SEC23A: variants seen among roughly 807,000 people sequenced by gnomAD.
SEC23A encodes protein transport protein Sec23A.
In SEC23A, 56 loss-of-function variants were observed where a neutral mutation model predicts 103.7. That is an observed-to-expected ratio of 0.54 (90% CI 0.44 to 0.67). The LOEUF is 0.67. Among genes scored for constraint, SEC23A ranks in the 30% least tolerant of loss-of-function variants. The pLI is 0.00. For synonymous variants in SEC23A, 281 were observed against 293.0 expected (o/e 0.96, Z 0.42); for missense variants, 784 against 936.4 (o/e 0.84, Z 2.12).
At chr14:39,080,566 C>T (rs1196122372) in intron 7 of SEC23A, among the ~76,000 whole-genome samples, 1 of 151,974 alleles carries the variant, frequency 6.6e-6, no homozygotes, top group Non-Finnish European at 1.5e-5. Context: ...CCACCGCCCC[C>T]GGCTAATTTT....
chr14:39,086,450 C>T (rs1216854669), intron 6 of SEC23A, among the ~76,000 whole-genome samples: 1 of 151,908 alleles, frequency 6.6e-6, no homozygotes, highest in Non-Finnish European at 1.5e-5. Context: ...GGTGAAACCC[C>T]GTCTCTACAA....
intron 11 of SEC23A, among the ~76,000 whole-genome samples, chr14:39,064,060 CCTT>C (rs1324483901): frequency 8.6e-5 from 13 of 151,566 alleles, no homozygotes; most frequent in African/African-American, 3.1e-4. Flanking sequence ...CTAACATTAT[CCTT>C]CTATCCAACT....
intron 18 of SEC23A, 186 bp downstream of exon 18, chr14:39,040,546 G>A: frequency 2.9e-6 from 2 of 682,726 alleles, no homozygotes; most frequent in Non-Finnish European, 2.5e-6. Context: ...TAGGCAACTA[G>A]TCAATAATCT....
Position 39,076,071 on chromosome 14 carries a change from G to C in SEC23A, c.851C>G (p.Ala284Gly), listed in dbSNP as rs748424552. Residue 284 changes from alanine to glycine, a missense_variant, in exon 8 of 20, where the codon GCT becomes GGT. Ala to Gly is a moderately conservative substitution (Grantham distance 60, BLOSUM62 0). This residue lies in a region of SEC23A where 683 missense variants were observed against 774.2 expected (regional missense o/e 0.88). Coordinates refer to ENST00000307712, the MANE Select transcript of SEC23A (RefSeq NM_006364.4). ...LLECTFPNTG[A>G]RIMMFIGGPA... ...ACCACCAATGAACATCATGATACGA[G>C]CACCAGTGTTGGGAAAAGTACACTA... The C allele has an allele frequency of 8.7e-6, 14 of 1,612,722 alleles. No individual in the cohort carries two copies. The highest frequency in any genetic ancestry group is 3.3e-5 in the Admixed American group (2 of 59,878).
Position 39,055,218 on chromosome 14 carries a change from C to A in SEC23A, c.1584G>T (p.Arg528=), listed in dbSNP as rs762649745. ...DQEAAAILMA[R]LAIYRAETEE... is the part of the protein sequence containing the mutation. Reference sequence around the variant, plus strand: ...CTGTTTCTGCTCTATATATTGCTAGCCGGGCCATAAGAATGGCAGCTGCCT... The same window carrying A: ...CTGTTTCTGCTCTATATATTGCTAGACGGGCCATAAGAATGGCAGCTGCCT... Residue 528 remains arginine (R), a synonymous_variant, in exon 14 of 20, where the codon CGG becomes CGT. Coordinates refer to ENST00000307712, the MANE Select transcript of SEC23A (RefSeq NM_006364.4). 14 of 1,614,124 alleles carry A rather than the reference C, an allele frequency of 8.7e-6. No homozygotes were observed. The highest frequency in any genetic ancestry group is 1.2e-5 in the Non-Finnish European group (14 of 1,180,022).
intron 14 of SEC23A, among the ~76,000 whole-genome samples, chr14:39,049,490 A>AAT (rs573128898): frequency 1.8e-4 from 27 of 149,996 alleles, no homozygotes; most frequent in Non-Finnish European, 2.2e-4. Flanking sequence ...AAAAAAAAAA[A>AAT]TTTGAGCCAA....
Position 39,076,926 on chromosome 14 carries a change from C to CA in SEC23A, c.829-834dup, listed in dbSNP as rs1206978231. On this transcript the variant is annotated intron_variant, in intron 7 of 19. Coordinates refer to ENST00000307712, the MANE Select transcript of SEC23A (RefSeq NM_006364.4). The stretch of plus-strand genomic sequence containing the variant: ...TGGGCAACAAGGCGAGACTCCGTCT[C>CA]AAAAAAAAAAAAAATAGAGGCTGGA... Among the ~76,000 whole-genome samples, 596 of 108,810 alleles carry CA rather than the reference C, an allele frequency of 5.5e-3. 4 individuals are homozygous for CA. The highest frequency in any genetic ancestry group is 0.016 in the African/African-American group (447 of 28,258). 71.4% of individuals were successfully genotyped at this position (108,810 alleles called of 152,430 possible).
At chr14:39,087,803 C>T (rs1308597917) in intron 5 of SEC23A, 1 of 152,160 alleles carries the variant, frequency 6.6e-6, no homozygotes, top group Non-Finnish European at 1.5e-5. Flanking sequence ...CAACTCTTTA[C>T]TAAGAACTTA....
At chr14:39,096,329 G>A (rs1015852632) in intron 1 of SEC23A, among the ~76,000 whole-genome samples, 190 bp from the exon 2 acceptor site, 11 of 151,946 alleles carry the variant, frequency 7.2e-5, no homozygotes, top group Non-Finnish European at 1.5e-4. Flanking sequence ...TCGGGAGTTC[G>A]AGACCAGCCT....
intron 10 of SEC23A, among the ~76,000 whole-genome samples, chr14:39,065,217 C>T (rs557911696): frequency 6.6e-6 from 1 of 152,126 alleles, no homozygotes; most frequent in Non-Finnish European, 1.5e-5. Flanking sequence ...TTAGCACATA[C>T]GAGGTCTCCA....
At position 39,093,179 on chromosome 14, in the gene SEC23A, T is replaced by C; in HGVS notation, c.279+8A>G. 6.2e-7 allele frequency: 1 copy of C among 1,612,510 alleles called. No individual in the cohort carries two copies. On this transcript the variant is annotated splice_region_variant and intron_variant, in intron 3 of 19. Coordinates refer to ENST00000307712, the MANE Select transcript of SEC23A (RefSeq NM_006364.4). ...ACTGCGCCCGGCATGCAATGGATGT[T>C]TTCTTACCTGATTCCTTTGGTAACA...
intron 5 of SEC23A, among the ~76,000 whole-genome samples, chr14:39,089,383 T>C (rs1241319685): frequency 3.9e-5 from 6 of 152,226 alleles, no homozygotes; most frequent in East Asian, 1.9e-4. Context: ...TATTTTACAA[T>C]TGAAAAAAAC....
intron 1 of SEC23A, among the ~76,000 whole-genome samples, chr14:39,098,596 G>A (rs1052075403): frequency 1.3e-5 from 2 of 152,036 alleles, no homozygotes; most frequent in South Asian, 2.1e-4. Context: ...CCAACATGGT[G>A]AAACCCCATC....
rs1366800959 is a variant in SEC23A at position 39,040,872 on chromosome 14, G to A, written c.2002C>T (p.Arg668Trp). Residue 668 changes from arginine (R) to tryptophan (W), a missense_variant, in exon 18 of 20, where the codon CGG becomes TGG. Around this residue, in one of 2 missense-constraint regions of SEC23A, gnomAD observed 101 missense variants for 162.2 expected, o/e 0.62. Coordinates refer to ENST00000307712, the MANE Select transcript of SEC23A (RefSeq NM_006364.4). ...IYHGETIAQWRKSGYQDMPEY... is the reference protein window; with the variant it reads ...IYHGETIAQWWKSGYQDMPEY... ...GGCATATCCTGGTATCCTGACTTCC[G>A]CCACTGTGCTATGGTCTAATTTTAA... The A allele has an allele frequency of 1.2e-6, 2 of 1,613,696 alleles. No homozygotes were observed. The highest frequency in any genetic ancestry group is 1.7e-6 in the Non-Finnish European group (2 of 1,179,902).
intron 7 of SEC23A, among the ~76,000 whole-genome samples, chr14:39,085,464 G>A (rs780841813): frequency 4.6e-5 from 7 of 152,112 alleles, no homozygotes; most frequent in Non-Finnish European, 7.4e-5. Flanking sequence ...ACTTAAGTGG[G>A]GGCAGTCTTG....
Position 39,063,321 on chromosome 14 carries a change from T to C in SEC23A, c.1398+3A>G, listed in dbSNP as rs776126612. ...TTTGATATTCAGATGTAGAAAGTCA[T>C]ACCTGATTGACAACCTCAAAATATA... On this transcript the variant is annotated splice_donor_region_variant and intron_variant, in intron 12 of 19. Transcript: ENST00000307712. 2 of 1,569,818 alleles carry C rather than the reference T, an allele frequency of 1.3e-6. No homozygotes were observed.
In SEC23A at chr14:39,074,398, A is replaced by T; in HGVS notation, c.1103+17T>A. ...TTTGCTTATAATTACAAAAACTGTA[A>T]AAATTTAAATACATACCCAGTAAGG... On this transcript the variant is annotated intron_variant, in intron 9 of 19. Transcript: ENST00000307712. The T allele has an allele frequency of 6.7e-7, 1 of 1,500,110 alleles. No individual in the cohort carries two copies. Among genetic ancestry groups the T allele is most frequent in the South Asian group, 1.1e-5 (1 of 88,786 alleles). The allele number at this position is 1,500,110 out of a possible 1,614,324, so 92.9% of individuals were successfully genotyped here.
At chr14:39,044,951 T>A (rs1405665497) in intron 16 of SEC23A, among the ~76,000 whole-genome samples, 2 of 152,100 alleles carry the variant, frequency 1.3e-5, no homozygotes, top group African/African-American at 4.8e-5. Flanking sequence ...AAAAAAAAAA[T>A]TTAACAATCT....
chr14:39,086,894 A>C (rs765317140), intron 6 of SEC23A, 35 bp downstream of exon 6: 3 of 1,277,350 alleles, frequency 2.3e-6, no homozygotes, highest in East Asian at 4.6e-5. Flanking sequence ...AAATAGCTAC[A>C]GAAACGGTCA....
Sources: gnomAD v4.1 joint callset for allele counts (sites outside exome capture counted in the v4.1 genomes callset) on GRCh38, gnomAD v4.1.1 for gene constraint, gnomAD v4.1.1 regional missense constraint, MANE v1.5 for transcripts, NCBI Gene and HGNC (gene_info 2026-07-23, HGNC 2026-07-21) for gene names.